Variants in KAZN observed in about 807,000 individuals in gnomAD.
KAZN encodes kazrin, periplakin interacting protein, also known as kazrin.
KAZN carries 40 observed loss-of-function variants against 87.4 expected under a neutral mutation model. The observed-to-expected ratio is 0.46, with a 90% CI of 0.36 to 0.60. The LOEUF (loss-of-function observed/expected upper bound fraction) is 0.60, where lower values mean the gene tolerates loss of function less well. Among genes scored for constraint, KAZN ranks in the 20% least tolerant of loss-of-function variants. KAZN has a pLI of 0.00. For synonymous variants in KAZN, 466 were observed against 458.3 expected, an observed-to-expected ratio of 1.02 and a Z score of -0.22; for missense variants, 898 against 1,073.9, an observed-to-expected ratio of 0.84 and a Z score of 2.29.
At chr1:14,263,161 A>G (rs572258975) in intron 2 of KAZN, among the ~76,000 whole-genome samples, 68 of 152,202 alleles carry the variant, frequency 4.5e-4, no homozygotes, top group Non-Finnish European at 7.5e-4. Context: ...CTAGAGCTCA[A>G]CTTTACTTCC....
At position 14,099,901 on chromosome 1, in the gene KAZN, C is replaced by G. The variant is rs1327538101; in HGVS notation, c.92-80534C>G. Among the ~76,000 whole-genome samples, 8 of 152,196 alleles carry G rather than the reference C, an allele frequency of 5.3e-5. No individual in the cohort carries two copies. The East Asian group carries it at 1.3e-3, about 26-fold the overall frequency. On this transcript the variant is annotated intron_variant, in intron 1 of 16. Coordinates refer to the KAZN transcript ENST00000636203. ...GTGCAAGCGATGAGCAACTAACCTG[C>G]ATTGTGGTTATACTCCCTTCTTACC...
chr1:14,244,551 G>A (rs140878241), intron 2 of KAZN, among the ~76,000 whole-genome samples: 122 of 152,254 alleles, frequency 8.0e-4, no homozygotes, highest in African/African-American at 2.5e-3. Flanking sequence ...ATTGGGACAC[G>A]ATAGACAATG....
chr1:14,194,932 G>A (rs1646495434), intron 2 of KAZN, among the ~76,000 whole-genome samples: 1 of 152,098 alleles, frequency 6.6e-6, no homozygotes. Flanking sequence ...GGACAACCCT[G>A]TTTATCTTGT....
At chr1:14,057,125 GTTTTTTGTTTGTTTGTTTTTT>G in intron 1 of KAZN, among the ~76,000 whole-genome samples, 1 of 147,484 alleles carries the variant, frequency 6.8e-6, no homozygotes, top group African/African-American at 2.5e-5. Flanking sequence ...TCTTTTTTTT[GTTTTTTGTTTGTTTGTTTTTT>G]TTTTTTGAGA....
intron 2 of KAZN, among the ~76,000 whole-genome samples, chr1:14,474,462 T>C (rs1668614455): frequency 6.6e-6 from 1 of 152,180 alleles, no homozygotes; most frequent in African/African-American, 2.4e-5. Context: ...ATTCAGGGTA[T>C]AGTAGCAGTT....
intron 13 of KAZN, among the ~76,000 whole-genome samples, chr1:15,111,470 GT>G (rs1402831999): frequency 3.3e-5 from 5 of 152,120 alleles, no homozygotes; most frequent in African/African-American, 1.2e-4. Flanking sequence ...GTAGAGATGG[GT>G]TTTGCCATGT....
chr1:14,685,564 G>C (rs1187092046), intron 1 of KAZN, among the ~76,000 whole-genome samples: 1 of 152,224 alleles, frequency 6.6e-6, no homozygotes, highest in African/African-American at 2.4e-5. Flanking sequence ...CTCAGCACCT[G>C]CCTGAGCATC....
intron 2 of KAZN, among the ~76,000 whole-genome samples, chr1:14,464,317 T>C (rs1185902809): frequency 2.6e-5 from 4 of 152,154 alleles, no homozygotes; most frequent in Admixed American, 1.3e-4. Context: ...CAGTTAAAAA[T>C]TCAGGTTTTT....
chr1:15,020,911 G>T (rs1339697086), intron 2 of KAZN, among the ~76,000 whole-genome samples: 2 of 152,144 alleles, frequency 1.3e-5, no homozygotes, highest in African/African-American at 4.8e-5. Context: ...CTGGCTCCGG[G>T]TTCTCACTCG....
chr1:15,084,411 A>G (rs1026569994), intron 8 of KAZN, among the ~76,000 whole-genome samples: 1 of 152,156 alleles, frequency 6.6e-6, no homozygotes, highest in African/African-American at 2.4e-5. Flanking sequence ...CCTCTACAAA[A>G]CCAATAAATC....
At chr1:13,981,982 G>A (rs544897302) in intron 1 of KAZN, among the ~76,000 whole-genome samples, 1 of 152,362 alleles carries the variant, frequency 6.6e-6, no homozygotes, top group African/African-American at 2.4e-5. Flanking sequence ...GTCACACACA[G>A]AGATGGGGGG....
chr1:13,996,436 A>C (rs1203119001), intron 1 of KAZN, among the ~76,000 whole-genome samples: 1 of 152,162 alleles, frequency 6.6e-6, no homozygotes, highest in African/African-American at 2.4e-5. Context: ...AGCCTAACAC[A>C]CTAAGCTCCC....
chr1:14,992,675 G>A (rs900153305), intron 2 of KAZN, among the ~76,000 whole-genome samples: 5 of 152,090 alleles, frequency 3.3e-5, no homozygotes, highest in African/African-American at 1.2e-4. Context: ...GAGAAGTTTA[G>A]CCCTATCGCC....
At chr1:14,837,899 A>G (rs1647461030) in intron 1 of KAZN, among the ~76,000 whole-genome samples, 1 of 152,066 alleles carries the variant, frequency 6.6e-6, no homozygotes, top group Admixed American at 6.6e-5. Flanking sequence ...TAACCATTCT[A>G]CCTCTGATGG....
At position 14,735,094 on chromosome 1, in the gene KAZN, C is replaced by G. The variant is rs1182666737; in HGVS notation, c.226+135871C>G. 1.3e-5 allele frequency among the ~76,000 whole-genome samples: 2 copies of G among 152,166 alleles called. No individual in the cohort carries two copies. The highest frequency in any genetic ancestry group is 2.9e-5 in the Non-Finnish European group (2 of 68,034). On this transcript the variant is annotated intron_variant, in intron 1 of 14. Transcript: ENST00000376030. The surrounding 1 kb of genome is among the most constrained non-coding windows in gnomAD (Gnocchi z 4.3). The stretch of plus-strand genomic sequence containing the variant: ...TTTTGTTTTGAGACGGAGTCTCGCT[C>G]TTTCGCCCAGGCCGGACTGTAGTGG...
rs2185239 is a variant in KAZN, at chr1:14,187,151, C to T, written c.249+6559C>T. On this transcript the variant is annotated intron_variant, in intron 2 of 16. Transcript: ENST00000636203. ...CTTTTTTACATTGTTCCATCCAGCC[C>T]GTCGCAAAGAAGGAGTAATTGATTT... Among the ~76,000 whole-genome samples, 501 of 152,096 alleles carry T rather than the reference C, an allele frequency of 3.3e-3. 1 individual carries two copies. Among genetic ancestry groups the T allele is most frequent in the South Asian group, 8.5e-3 (41 of 4,806 alleles).
intron 6 of KAZN, chr1:15,061,140 G>C (rs761762582): frequency 2.0e-5 from 3 of 152,158 alleles, no homozygotes; most frequent in Non-Finnish European, 2.9e-5. Flanking sequence ...AAGAAATGAG[G>C]TGAACACATT....
chr1:15,067,737 A>G (rs1639313909), intron 8 of KAZN: 1 of 985,262 alleles, frequency 1.0e-6, no homozygotes, highest in South Asian at 4.7e-5. Flanking sequence ...AGGCCCTCAT[A>G]AGGACTTTTC....
chr1:14,081,233 T>A (rs1643662125), intron 1 of KAZN, among the ~76,000 whole-genome samples: 1 of 152,168 alleles, frequency 6.6e-6, no homozygotes, highest in Admixed American at 6.5e-5. Context: ...TTAATTAAAA[T>A]GGCCATGTCC....
Sources: gnomAD v4.1 joint callset for allele counts (sites outside exome capture counted in the v4.1 genomes callset) on GRCh38, gnomAD v4.1.1 for gene constraint, Gnocchi (gnomAD v3.1) non-coding constraint, MANE v1.5 for transcripts, NCBI Gene and HGNC (gene_info 2026-07-23, HGNC 2026-07-21) for gene names.